GRIP1: variants seen among roughly 807,000 people sequenced by gnomAD.
GRIP1 encodes the protein glutamate receptor interacting protein 1.
A neutral mutation model predicts 129.9 loss-of-function variants in GRIP1; 45 were observed. The observed-to-expected ratio is 0.35, with a 90% confidence interval of 0.27 to 0.44. The LOEUF (loss-of-function observed/expected upper bound fraction) is 0.44, where lower values mean the gene tolerates loss of function less well. Ranked by LOEUF, GRIP1 falls within the 20% of genes least tolerant of loss-of-function variation. The pLI, the probability that GRIP1 is intolerant of heterozygous loss-of-function variation, is 1.00. For missense variants in GRIP1, 1,196 were observed against 1,396.8 expected (o/e 0.86, Z 2.29); for synonymous variants, 530 against 520.8 (o/e 1.02, Z -0.24).
At chr12:66,887,372 T>G (rs2040583010) in intron 1 of GRIP1, among the ~76,000 whole-genome samples, 1 of 152,232 alleles carries the variant, frequency 6.6e-6, no homozygotes, top group Admixed American at 6.5e-5. Context: ...CTCAACGTCC[T>G]CAGGGGTAAA....
At chr12:66,797,484 A>C (rs1368459150) in intron 1 of GRIP1, among the ~76,000 whole-genome samples, 2 of 152,160 alleles carry the variant, frequency 1.3e-5, no homozygotes, top group African/African-American at 4.8e-5. Flanking sequence ...AAACTGAAGA[A>C]GCATACTGAC....
chr12:67,010,610 G>T (rs1376995767), intron 1 of GRIP1, among the ~76,000 whole-genome samples: 2 of 152,062 alleles, frequency 1.3e-5, no homozygotes. Flanking sequence ...ATATGAGAAA[G>T]AATAGAAAGA....
At chr12:66,655,811 C>T (rs997776732) in intron 1 of GRIP1, among the ~76,000 whole-genome samples, 7 of 151,964 alleles carry the variant, frequency 4.6e-5, no homozygotes, top group African/African-American at 1.7e-4. Flanking sequence ...CGGGGTTTCA[C>T]CGTGGTCTTG....
At chr12:66,378,179 C>T (rs762554987) in intron 20 of GRIP1, among the ~76,000 whole-genome samples, 76 of 151,912 alleles carry the variant, frequency 5.0e-4, no homozygotes, top group Non-Finnish European at 7.1e-4. Context: ...CAGTGGCTCA[C>T]GCCTGTAATC....
chr12:66,428,271 A>C (rs535583214), intron 14 of GRIP1, among the ~76,000 whole-genome samples: 1 of 152,306 alleles, frequency 6.6e-6, no homozygotes, highest in South Asian at 2.1e-4. Context: ...AAACAAGTTA[A>C]TTGATTTGAA....
chr12:66,790,125 T>C (rs142425728), intron 1 of GRIP1, among the ~76,000 whole-genome samples: 1 of 152,244 alleles, frequency 6.6e-6, no homozygotes, highest in Non-Finnish European at 1.5e-5. Flanking sequence ...GCAGATCCCT[T>C]AATAAAAATG....
At chr12:66,625,139 G>A (rs2029878643) in intron 1 of GRIP1, among the ~76,000 whole-genome samples, 1 of 152,004 alleles carries the variant, frequency 6.6e-6, no homozygotes. Context: ...TATGAATCTG[G>A]GGACAGATTT....
At chr12:67,048,832 C>T (rs1042730983) in intron 1 of GRIP1, among the ~76,000 whole-genome samples, 6 of 152,186 alleles carry the variant, frequency 3.9e-5, no homozygotes, top group Admixed American at 2.6e-4. Context: ...CCATGTAAAA[C>T]GTGACTTGCA....
chr12:66,377,214 A>G lies in GRIP1; in HGVS notation c.2693T>C (p.Leu898Ser). 6.2e-7 allele frequency: 1 copy of G among 1,613,886 alleles called. No individual in the cohort carries two copies. Among genetic ancestry groups the G allele is most frequent in the Admixed American group, 1.7e-5 (1 of 60,020 alleles). The change falls in exon 21 of 25, where the codon TTG (leucine) becomes TCG (serine). Residue 898 changes from leucine to serine, a missense_variant. Around this residue, in one of 5 missense-constraint regions of GRIP1, gnomAD observed 427 missense variants for 463.3 expected, o/e 0.92. Coordinates refer to ENST00000359742, the MANE Select transcript of GRIP1 (RefSeq NM_001366722.1). ...AATTCCTGACTGTCCGCAGGTTTCC[A>G]AATCCTCCAGCGCTTGAGACCAGAA... Reference protein sequence around the residue: ...ENFWSQALEDLETCGQSGILR... With the variant: ...ENFWSQALEDSETCGQSGILR...
chr12:66,526,457 G>A (rs2061244309), intron 5 of GRIP1, among the ~76,000 whole-genome samples: 1 of 152,034 alleles, frequency 6.6e-6, no homozygotes, highest in African/African-American at 2.4e-5. Context: ...AAATGGTGCT[G>A]GGAAAACTGG....
At position 66,924,094 on chromosome 12, in the gene GRIP1, C is replaced by T. The variant is rs529328701; in HGVS notation, c.58+144956G>A. On this transcript the variant is annotated intron_variant, in intron 1 of 1. Coordinates refer to the GRIP1 transcript ENST00000643019. ...TCCTGGCAGCAGGTGATTCACCCCCCTCGGCCTCCCAAAGTGCTGGGATTA... is the reference window on the plus strand; with the variant it reads ...TCCTGGCAGCAGGTGATTCACCCCCTTCGGCCTCCCAAAGTGCTGGGATTA... Among the ~76,000 whole-genome samples the T allele has an allele frequency of 3.3e-5, 5 of 152,272 alleles. No individual in the cohort carries two copies. The South Asian group carries it at 6.2e-4, about 19-fold the overall frequency.
chr12:66,436,680 T>C (rs1459574490), intron 13 of GRIP1, among the ~76,000 whole-genome samples: 2 of 152,116 alleles, frequency 1.3e-5, no homozygotes, highest in Non-Finnish European at 2.9e-5. Context: ...ATAGTACCTA[T>C]ATTTAAAGAG....
In GRIP1 at chr12:66,796,902, T is replaced by C. The variant is rs570243621; in HGVS notation, c.-420+7151A>G. ...TACTATTTTGAGCCAGTTCAAATAA[T>C]TTCTAAAACAGAGGTCTTCAAAGGT... On this transcript the variant is annotated intron_variant, in intron 1 of 4. Transcript: ENST00000538373. Among the ~76,000 whole-genome samples the C allele has an allele frequency of 1.4e-4, 21 of 152,300 alleles. No individual in the cohort carries two copies. In the South Asian group the frequency reaches 4.4e-3, roughly 32 times the overall value.
chr12:66,766,990 T>C (rs912174636), intron 1 of GRIP1, among the ~76,000 whole-genome samples: 4 of 152,152 alleles, frequency 2.6e-5, no homozygotes, highest in African/African-American at 4.8e-5. Flanking sequence ...CCATAACAAA[T>C]ACATTAGGTT....
At chr12:66,989,343 T>C (rs1467029977) in intron 1 of GRIP1, among the ~76,000 whole-genome samples, 1 of 152,230 alleles carries the variant, frequency 6.6e-6, no homozygotes, top group African/African-American at 2.4e-5. Flanking sequence ...TTTTACTGAA[T>C]GAATGTGGTG....
chr12:66,777,134 T>C (rs1309128568), intron 1 of GRIP1, among the ~76,000 whole-genome samples: 1 of 152,102 alleles, frequency 6.6e-6, no homozygotes, highest in Non-Finnish European at 1.5e-5. Flanking sequence ...ACACTCAGAG[T>C]GAAAGGCTCA....
chr12:67,054,188 A>T (rs1355749547), intron 1 of GRIP1, among the ~76,000 whole-genome samples: 1 of 152,264 alleles, frequency 6.6e-6, no homozygotes, highest in African/African-American at 2.4e-5. Context: ...AAAGCAATGG[A>T]AATCTTAAAA....
At chr12:66,937,042 T>C (rs1389659900) in intron 1 of GRIP1, among the ~76,000 whole-genome samples, 1 of 152,198 alleles carries the variant, frequency 6.6e-6, no homozygotes, top group Non-Finnish European at 1.5e-5. Flanking sequence ...TTATCACTTT[T>C]TTCTCTGGAC....
chr12:66,941,401 C>T (rs1317036743), intron 1 of GRIP1, among the ~76,000 whole-genome samples: 1 of 152,196 alleles, frequency 6.6e-6, no homozygotes, highest in African/African-American at 2.4e-5. Context: ...CTCTGTTTAA[C>T]AGTTCCAATG....
Sources: allele counts gnomAD v4.1 joint callset (sites outside exome capture counted in the v4.1 genomes callset), GRCh38; gene constraint gnomAD v4.1.1; regional missense constraint gnomAD v4.1.1; transcripts MANE v1.5; gene names NCBI Gene and HGNC (gene_info 2026-07-23, HGNC 2026-07-21).